Variants in PJA2 observed in about 807,000 individuals in gnomAD.
PJA2 encodes E3 ubiquitin-protein ligase Praja-2.
A neutral mutation model predicts 69.3 loss-of-function variants in PJA2; 25 were observed. That is an observed-to-expected ratio of 0.36 (90% CI 0.26 to 0.50). PJA2 has a LOEUF of 0.50. Ranked by LOEUF, PJA2 falls within the 20% of genes least tolerant of loss-of-function variation. The pLI is 0.96. For synonymous variants in PJA2, 308 were observed against 277.8 expected, an observed-to-expected ratio of 1.11 and a Z score of -1.08; for missense variants, 809 against 830.2, an observed-to-expected ratio of 0.97 and a Z score of 0.31.
chr5:109,344,397 A>ACAT lies in PJA2; in HGVS notation c.1880-87_1880-86insATG, dbSNP rs374544897. On this transcript the variant is annotated intron_variant, in intron 8 of 9. Transcript: ENST00000361189. ...GCAACATATTATACTCATAGAAGAT[A>ACAT]CCTCTGAAAGACGAAAGAGCCAGTC... is the stretch of plus-strand genomic sequence containing the variant. 5.2e-4 allele frequency: 718 copies of ACAT among 1,388,586 alleles called. 9 individuals carry two copies. In the African/African-American group the frequency reaches 9.3e-3, roughly 18 times the overall value. The allele number at this position is 1,388,586 out of a possible 1,614,324, so 86.0% of individuals were successfully genotyped here.
intron 9 of PJA2, among the ~76,000 whole-genome samples, chr5:109,343,842 T>A (rs1363176567): frequency 6.6e-6 from 1 of 152,178 alleles, no homozygotes; most frequent in Admixed American, 6.5e-5. Context: ...ATGCCTGAAA[T>A]CCCAGCACTT....
At chr5:109,400,377 C>T (rs946749256) in intron 1 of PJA2, among the ~76,000 whole-genome samples, 11 of 147,468 alleles carry the variant, frequency 7.5e-5, no homozygotes, top group African/African-American at 2.2e-4. Context: ...TGTTAAAAAA[C>T]AACAGCAACA....
intron 5 of PJA2, among the ~76,000 whole-genome samples, chr5:109,365,915 C>T (rs1234818487): frequency 6.6e-6 from 1 of 152,176 alleles, no homozygotes; most frequent in Non-Finnish European, 1.5e-5. Flanking sequence ...TGAAGGTTTT[C>T]TCAATTTCAA....
At chr5:109,374,553 A>G (rs780042452) in intron 4 of PJA2, among the ~76,000 whole-genome samples, 2 of 152,248 alleles carry the variant, frequency 1.3e-5, no homozygotes, top group Non-Finnish European at 2.9e-5. Flanking sequence ...TATGATTTGT[A>G]TTAACAGGGC....
chr5:109,377,038 T>C (rs1746908411), intron 4 of PJA2, among the ~76,000 whole-genome samples: 1 of 152,152 alleles, frequency 6.6e-6, no homozygotes, highest in Admixed American at 6.5e-5. Context: ...AAAAAAACTT[T>C]ACCTTTAGCT....
intron 1 of PJA2, among the ~76,000 whole-genome samples, chr5:109,389,584 AACTG>A (rs967406899): frequency 4.6e-5 from 7 of 152,014 alleles, no homozygotes; most frequent in African/African-American, 7.2e-5. Flanking sequence ...TTTCTTAACT[AACTG>A]ACTGTAAAAC....
intron 9 of PJA2, among the ~76,000 whole-genome samples, chr5:109,341,348 G>C (rs1223157671): frequency 1.3e-5 from 2 of 150,284 alleles, no homozygotes; most frequent in African/African-American, 4.9e-5. Context: ...TCTGGGAGGT[G>C]AGGAGCATCT....
intron 6 of PJA2, among the ~76,000 whole-genome samples, 192 bp from the exon 7 acceptor site, chr5:109,356,218 T>C (rs1019773197): frequency 2.6e-5 from 4 of 152,102 alleles, no homozygotes; most frequent in African/African-American, 9.7e-5. Flanking sequence ...GTGCTAAAGA[T>C]GAGTAGTTAA....
At chr5:109,397,463 G>T (rs1282967496) in intron 1 of PJA2, among the ~76,000 whole-genome samples, 3 of 151,400 alleles carry the variant, frequency 2.0e-5, no homozygotes, top group African/African-American at 7.3e-5. Flanking sequence ...CAAGGGAAAT[G>T]AATGAAACCC....
chr5:109,394,292 C>T (rs1747354495), intron 1 of PJA2, among the ~76,000 whole-genome samples: 1 of 151,806 alleles, frequency 6.6e-6, no homozygotes, highest in African/African-American at 2.4e-5. Flanking sequence ...AAGTGATCCA[C>T]CCGCCTCCGC....
intron 7 of PJA2, among the ~76,000 whole-genome samples, chr5:109,351,314 T>C (rs1762247826): frequency 6.6e-6 from 1 of 152,060 alleles, no homozygotes; most frequent in Non-Finnish European, 1.5e-5. Context: ...CTGAAATATG[T>C]CTCATTCCGG....
At chr5:109,401,975 A>G (rs1166248191) in intron 1 of PJA2, among the ~76,000 whole-genome samples, 3 of 152,214 alleles carry the variant, frequency 2.0e-5, no homozygotes, top group Admixed American at 6.5e-5. Flanking sequence ...GAAATTGTAA[A>G]TATACATTGT....
At chr5:109,408,057 G>C (rs1747730824) in intron 1 of PJA2, among the ~76,000 whole-genome samples, 2 of 151,996 alleles carry the variant, frequency 1.3e-5, no homozygotes, top group South Asian at 2.1e-4. Flanking sequence ...AGGGAGAAAG[G>C]GTTACCAAAA....
At chr5:109,389,426 T>A (rs1368324581) in intron 1 of PJA2, among the ~76,000 whole-genome samples, 4 of 152,274 alleles carry the variant, frequency 2.6e-5, no homozygotes, top group African/African-American at 9.6e-5. Flanking sequence ...AAATGTATTA[T>A]CAAGTTGTAC....
At chr5:109,354,188 T>C (rs1762351144) in intron 7 of PJA2, among the ~76,000 whole-genome samples, 1 of 143,242 alleles carries the variant, frequency 7.0e-6, no homozygotes, top group Non-Finnish European at 1.6e-5. Flanking sequence ...ATTAGATATC[T>C]ATGATATCTA....
intron 4 of PJA2, among the ~76,000 whole-genome samples, chr5:109,369,265 T>C (rs1483577977): frequency 6.6e-6 from 1 of 152,198 alleles, no homozygotes. Context: ...GGAGTGTCGA[T>C]GCCACATATG....
At chr5:109,337,444 CTAATAA>C (rs1361683980) in intron 9 of PJA2, 88 bp from the exon 10 acceptor site, 1 of 1,407,386 alleles carries the variant, frequency 7.1e-7, no homozygotes, top group South Asian at 1.5e-5. Context: ...TGTCATTATC[CTAATAA>C]TAAGACTCTT....
Position 109,372,074 on chromosome 5 carries a change from T to C in PJA2, c.1284-3328A>G, listed in dbSNP as rs117822960. ...TAAACTCAAATACATTTAGTTAGGA[T>C]AAGCAATAGCCATTAAGTCCTGAAT... On this transcript the variant is annotated intron_variant, in intron 4 of 9. Coordinates refer to ENST00000361189, the MANE Select transcript of PJA2 (RefSeq NM_014819.5). Among the ~76,000 whole-genome samples the C allele has an allele frequency of 4.6e-5, 7 of 152,356 alleles. No homozygotes were observed. In the East Asian group the frequency reaches 1.2e-3, roughly 25 times the overall value.
At position 109,383,391 on chromosome 5, in the gene PJA2, G is replaced by A; in HGVS notation, c.31+12C>T. On this transcript the variant is annotated intron_variant, in intron 2 of 9. Coordinates refer to ENST00000361189, the MANE Select transcript of PJA2 (RefSeq NM_014819.5). ...AAGAAGTACTCAATGTAGAAGAACT[G>A]ACTTTCCTTACCTGCTGGCTCCTTT... 1 of 1,612,708 alleles carries A rather than the reference G, an allele frequency of 6.2e-7. No individual in the cohort carries two copies. Among genetic ancestry groups the A allele is most frequent in the Non-Finnish European group, 8.5e-7 (1 of 1,179,120 alleles).
Sources: allele counts gnomAD v4.1 joint callset (sites outside exome capture counted in the v4.1 genomes callset), GRCh38; gene constraint gnomAD v4.1.1; transcripts MANE v1.5; gene names NCBI Gene and HGNC (gene_info 2026-07-23, HGNC 2026-07-21).